The following SPATA6L variants were observed in gnomAD, a reference collection of about 807,000 sequenced individuals.
SPATA6L encodes the protein spermatogenesis associated 6-like protein.
A neutral mutation model predicts 49.2 loss-of-function variants in SPATA6L; 68 were observed. The observed-to-expected ratio is 1.38, with a 90% CI of 1.14 to 1.69. The LOEUF (loss-of-function observed/expected upper bound fraction) is 1.69, where lower values mean the gene tolerates loss of function less well. Among genes scored for constraint, SPATA6L ranks in the 40% most tolerant of loss-of-function variants. The pLI is 0.00. For missense variants in SPATA6L, 668 were observed against 464.3 expected (o/e 1.44, Z -4.03); for synonymous variants, 198 against 165.7 (o/e 1.19, Z -1.50).
intron 2 of SPATA6L, among the ~76,000 whole-genome samples, chr9:4,656,313 C>G (rs1345673799): frequency 6.6e-6 from 1 of 152,040 alleles, no homozygotes; most frequent in Non-Finnish European, 1.5e-5. Flanking sequence ...GTGGCTCATG[C>G]CTGTATTCCC....
In SPATA6L at chr9:4,662,486, GT is replaced by G. The variant is rs1278446684; in HGVS notation, c.40-451del. On this transcript the variant is annotated intron_variant, in intron 1 of 11. Coordinates refer to ENST00000682582, the MANE Select transcript of SPATA6L (RefSeq NM_001353486.2). The surrounding 1 kb of genome is among the most constrained non-coding windows in gnomAD (Gnocchi z 4.9). ...ATGGCGGCGGTGGCGGCGGCAGCAG[GT>G]TTGAGTTCCAGTCCCTGCTCAGCAG... The G allele has an allele frequency of 6.4e-7, 1 of 1,556,940 alleles. No individual in the cohort carries two copies. The highest frequency in any genetic ancestry group is 8.6e-7 in the Non-Finnish European group (1 of 1,160,970).
chr9:4,656,049 AGG>A lies in SPATA6L; in HGVS notation c.216_217del (p.Leu73PhefsTer6). The stretch of plus-strand genomic sequence containing the variant: ...TTTTTCAGAGTACCTACTTTCCAAA[AGG>A]TCTACTACAGCTCCAGGATCTACTG... On this transcript the variant is annotated frameshift_variant, in exon 3 of 12. Transcript: ENST00000682582. LOFTEE classifies it high-confidence loss of function. 2 of 1,612,430 alleles carry A rather than the reference AGG, an allele frequency of 1.2e-6. No individual in the cohort carries two copies. The highest frequency in any genetic ancestry group is 1.7e-6 in the Non-Finnish European group (2 of 1,179,172).
chr9:4,658,850 G>A (rs367068), intron 2 of SPATA6L, among the ~76,000 whole-genome samples: 80,906 of 150,830 alleles, frequency 0.54, 21,965 homozygotes, highest in East Asian at 0.7. Flanking sequence ...AAATTAGCCT[G>A]GTGTGGTGGC....
chr9:4,598,793 T>C lies in SPATA6L; in HGVS notation c.*2018A>G, dbSNP rs569230418. 2.0e-5 allele frequency among the ~76,000 whole-genome samples: 3 copies of C among 152,238 alleles called. No homozygotes were observed. The highest frequency in any genetic ancestry group is 4.4e-5 in the Non-Finnish European group (3 of 68,038). On this transcript the variant is annotated 3_prime_UTR_variant, in exon 12 of 12. Transcript: ENST00000682582. ...ACAATATTTTCTTACTTTTGATGAC[T>C]ACTTAGAGGTAACATCAAAACAACA...
chr9:4,635,630 AC>A (rs1317331497), intron 3 of SPATA6L, among the ~76,000 whole-genome samples: 2 of 152,238 alleles, frequency 1.3e-5, no homozygotes, highest in Non-Finnish European at 2.9e-5. Context: ...GAGATGTTCT[AC>A]AAAATAGAAC....
downstream of SPATA6L, among the ~76,000 whole-genome samples, chr9:4,597,691 TC>T (rs1822396814): frequency 6.6e-6 from 1 of 152,216 alleles, no homozygotes; most frequent in African/African-American, 2.4e-5. Context: ...GTTGGGGCTC[TC>T]ATCACTGTTG....
At chr9:4,606,831 C>T (rs553714876) in intron 9 of SPATA6L, among the ~76,000 whole-genome samples, 2,148 of 144,852 alleles carry the variant, frequency 0.015, 45 homozygotes, top group African/African-American at 0.04. Flanking sequence ...AGGCTTCAGA[C>T]GATCAAATTA....
At chr9:4,646,633 A>G in intron 3 of SPATA6L, 1 of 484,316 alleles carries the variant, frequency 2.1e-6, no homozygotes, top group Non-Finnish European at 3.4e-6. Context: ...AGTAATAATA[A>G]TAAAAATAAT....
chr9:4,634,401 C>T (rs3852394), intron 4 of SPATA6L, among the ~76,000 whole-genome samples: 34,333 of 151,978 alleles, frequency 0.23, 5,813 homozygotes, highest in African/African-American at 0.45. Flanking sequence ...CTTGGGGTTA[C>T]AGTCATCAGG....
At chr9:4,639,433 C>G (rs1233591441) in intron 3 of SPATA6L, among the ~76,000 whole-genome samples, 1 of 152,178 alleles carries the variant, frequency 6.6e-6, no homozygotes, top group Non-Finnish European at 1.5e-5. Flanking sequence ...CATACCCTAT[C>G]TTCAGAATCA....
intron 7 of SPATA6L, among the ~76,000 whole-genome samples, chr9:4,620,091 T>A (rs1225855825): frequency 6.6e-6 from 1 of 152,112 alleles, no homozygotes; most frequent in Non-Finnish European, 1.5e-5. Flanking sequence ...CATATACATA[T>A]GTGTGTGCCA....
In SPATA6L at chr9:4,599,006, T is replaced by C. The variant is rs777367492; in HGVS notation, c.*1805A>G. Among the ~76,000 whole-genome samples the C allele has an allele frequency of 6.6e-6, 1 of 152,216 alleles. No individual in the cohort carries two copies. The highest frequency in any genetic ancestry group is 1.5e-5 in the Non-Finnish European group (1 of 68,040). On this transcript the variant is annotated 3_prime_UTR_variant, in exon 12 of 12. Coordinates refer to ENST00000682582, the MANE Select transcript of SPATA6L (RefSeq NM_001353486.2). Reference sequence around the variant, plus strand: ...GTTTTTGTTTTTGTATTTTGGAATATTTACATAAACACAATGAAGTATCTT... The same window carrying C: ...GTTTTTGTTTTTGTATTTTGGAATACTTACATAAACACAATGAAGTATCTT...
downstream of SPATA6L, chr9:4,596,597 C>T (rs535573471): frequency 2.6e-5 from 4 of 152,200 alleles, no homozygotes; most frequent in South Asian, 2.1e-4. Flanking sequence ...CTAAAAATGC[C>T]GTTTACAAAC....
At chr9:4,658,774 T>C (rs1180459713) in intron 2 of SPATA6L, among the ~76,000 whole-genome samples, 4 of 152,040 alleles carry the variant, frequency 2.6e-5, no homozygotes, top group East Asian at 3.9e-4. Flanking sequence ...GGCAGATCAT[T>C]TGAGGCCAGG....
intron 4 of SPATA6L, among the ~76,000 whole-genome samples, chr9:4,632,860 G>C (rs1831922872): frequency 6.6e-6 from 1 of 152,140 alleles, no homozygotes; most frequent in Admixed American, 6.5e-5. Context: ...GCATTAATCA[G>C]GACATAACTA....
chr9:4,609,535 A>C (rs1826147056), intron 9 of SPATA6L, among the ~76,000 whole-genome samples: 1 of 152,098 alleles, frequency 6.6e-6, no homozygotes, highest in Non-Finnish European at 1.5e-5. Flanking sequence ...ACAGAACCAA[A>C]GACAAAAACC....
intron 4 of SPATA6L, among the ~76,000 whole-genome samples, chr9:4,632,541 A>T (rs978505173): frequency 2.0e-5 from 3 of 151,152 alleles, no homozygotes; most frequent in Non-Finnish European, 2.9e-5. Flanking sequence ...GGTTGCAGTG[A>T]GCCGAGATCG....
rs1367395698 is a variant in SPATA6L, at chr9:4,662,577, C to G, written c.40-541G>C. On this transcript the variant is annotated intron_variant, in intron 1 of 11. Coordinates refer to ENST00000682582, the MANE Select transcript of SPATA6L (RefSeq NM_001353486.2). The surrounding 1 kb of genome is among the most constrained non-coding windows in gnomAD (Gnocchi z 4.9). ...TGCATCGGAGAGCCCAGTTCACCGC[C>G]GCGGCTCCTTCCCCCTGGCCGCGGC... is the stretch of plus-strand genomic sequence containing the variant. 6.3e-7 allele frequency: 1 copy of G among 1,589,380 alleles called. No homozygotes were observed. Among genetic ancestry groups the G allele is most frequent in the South Asian group, 1.1e-5 (1 of 90,140 alleles).
intron 9 of SPATA6L, among the ~76,000 whole-genome samples, chr9:4,608,950 A>G (rs1364311638): frequency 2.6e-5 from 4 of 152,138 alleles, no homozygotes; most frequent in Non-Finnish European, 5.9e-5. Context: ...GCAATATAAA[A>G]TGATAAAGGG....
Sources: gnomAD v4.1 joint callset for allele counts (sites outside exome capture counted in the v4.1 genomes callset) on GRCh38, gnomAD v4.1.1 for gene constraint, Gnocchi (gnomAD v3.1) non-coding constraint, MANE v1.5 for transcripts, NCBI Gene and HGNC (gene_info 2026-07-23, HGNC 2026-07-21) for gene names.